WDPCP: variants seen among roughly 807,000 people sequenced by gnomAD.
The protein encoded by WDPCP is WD repeat-containing and planar cell polarity effector protein fritz homolog.
In WDPCP, 71 loss-of-function variants were observed where a neutral mutation model predicts 93.1. That is an observed-to-expected ratio of 0.76 (90% confidence interval 0.63 to 0.93). WDPCP has a LOEUF of 0.93. Among genes scored for constraint, WDPCP ranks in the 40% least tolerant of loss-of-function variants. WDPCP has a pLI of 0.00. For missense variants in WDPCP, 844 were observed against 887.4 expected (o/e 0.95, Z 0.62); for synonymous variants, 315 against 315.0 (o/e 1.00, Z 0.00).
At chr2:63,325,801 C>T (rs1281184454) in intron 12 of WDPCP, among the ~76,000 whole-genome samples, 2 of 152,292 alleles carry the variant, frequency 1.3e-5, no homozygotes, top group Admixed American at 6.5e-5. Context: ...AGAAAATCAA[C>T]CCTGAAGTCT....
At chr2:63,713,076 A>C (rs1219117251) in intron 2 of WDPCP, among the ~76,000 whole-genome samples, 2 of 152,202 alleles carry the variant, frequency 1.3e-5, no homozygotes, top group African/African-American at 4.8e-5. Context: ...GAATTACAAC[A>C]TGGCAGGATC....
intron 12 of WDPCP, among the ~76,000 whole-genome samples, chr2:63,317,006 A>G (rs1321714869): frequency 6.6e-6 from 1 of 152,222 alleles, no homozygotes; most frequent in African/African-American, 2.4e-5. Flanking sequence ...AAAGATCTCT[A>G]CAATGAGAAT....
At chr2:63,139,198 C>CACACCAGTT (rs1670878826) in intron 17 of WDPCP, among the ~76,000 whole-genome samples, 1 of 151,954 alleles carries the variant, frequency 6.6e-6, no homozygotes, top group South Asian at 2.1e-4. Context: ...CACACACACA[C>CACACCAGTT]ACCAGTTTCT....
intron 6 of WDPCP, chr2:63,441,797 A>G (rs1401231230): frequency 1.3e-5 from 2 of 152,264 alleles, no homozygotes; most frequent in Admixed American, 6.5e-5. Flanking sequence ...GTTGTAATCA[A>G]TTTAAAGATC....
chr2:63,730,346 G>C (rs999373582), intron 2 of WDPCP, among the ~76,000 whole-genome samples: 7 of 152,104 alleles, frequency 4.6e-5, no homozygotes, highest in Middle Eastern at 3.2e-3. Context: ...TCTCCCTTCG[G>C]TTTCTGGAGG....
intron 1 of WDPCP, among the ~76,000 whole-genome samples, chr2:63,500,452 G>GGTGT (rs71393311): frequency 9.0e-5 from 2 of 22,314 alleles, no homozygotes; most frequent in African/African-American, 3.8e-4. Context: ...AAATGGTGTG[G>GGTGT]GGGTGTGTGT....
chr2:63,668,528 G>A (rs1284399101), intron 2 of WDPCP, among the ~76,000 whole-genome samples: 7 of 152,152 alleles, frequency 4.6e-5, no homozygotes, highest in African/African-American at 1.4e-4. Context: ...TAGTAAAACA[G>A]GGTACTGACC....
intron 2 of WDPCP, among the ~76,000 whole-genome samples, chr2:63,787,135 T>C (rs1254287897): frequency 1.3e-5 from 2 of 152,114 alleles, no homozygotes; most frequent in African/African-American, 2.4e-5. Context: ...AAACACAGAA[T>C]AGCTAAATTT....
chr2:63,276,873 A>G (rs1002448693), intron 13 of WDPCP, among the ~76,000 whole-genome samples: 1 of 152,190 alleles, frequency 6.6e-6, no homozygotes, highest in African/African-American at 2.4e-5. Flanking sequence ...AAGAAGCTCA[A>G]AGAACACCTG....
chr2:63,605,426 A>G (rs1266157893), intron 3 of WDPCP: 1 of 1,457,850 alleles, frequency 6.9e-7, no homozygotes. Context: ...AGGTCACTCT[A>G]TTTTATTTTT....
chr2:63,803,076 T>C (rs1312073496), intron 2 of WDPCP, among the ~76,000 whole-genome samples: 2 of 152,224 alleles, frequency 1.3e-5, no homozygotes, highest in African/African-American at 4.8e-5. Context: ...AGACACCTCA[T>C]ATAGGTGATC....
At chr2:63,524,514 A>G (rs776602922) in intron 1 of WDPCP, among the ~76,000 whole-genome samples, 2 of 152,236 alleles carry the variant, frequency 1.3e-5, no homozygotes, top group Non-Finnish European at 2.9e-5. Context: ...AGGACTCCCT[A>G]TTGAATAAAT....
chr2:63,375,702 T>C (rs1447779731), intron 12 of WDPCP, among the ~76,000 whole-genome samples: 1 of 152,002 alleles, frequency 6.6e-6, no homozygotes, highest in Non-Finnish European at 1.5e-5. Flanking sequence ...TAAAATTGTA[T>C]ATAAAACATT....
chr2:63,160,789 C>T (rs1322010912), intron 15 of WDPCP, among the ~76,000 whole-genome samples: 1 of 152,106 alleles, frequency 6.6e-6, no homozygotes, highest in Non-Finnish European at 1.5e-5. Context: ...TAAAAAACAT[C>T]AGGTGAAAGG....
intron 1 of WDPCP, among the ~76,000 whole-genome samples, chr2:63,823,292 G>A (rs1671052432): frequency 6.6e-6 from 1 of 151,596 alleles, no homozygotes; most frequent in Admixed American, 6.6e-5. Context: ...CAGATCATGA[G>A]ATCAGGAGTT....
chr2:63,529,541 A>C (rs937300680), intron 1 of WDPCP, among the ~76,000 whole-genome samples: 1 of 152,240 alleles, frequency 6.6e-6, no homozygotes, highest in African/African-American at 2.4e-5. Context: ...ATGTTGAACC[A>C]GGCTTGCATC....
At chr2:63,470,245 C>T (rs1699614380) in intron 6 of WDPCP, among the ~76,000 whole-genome samples, 1 of 152,238 alleles carries the variant, frequency 6.6e-6, no homozygotes, top group African/African-American at 2.4e-5. Context: ...GTTGCTGCCA[C>T]TCAAATTTAT....
At chr2:63,331,426 T>G (rs1259129972) in intron 12 of WDPCP, among the ~76,000 whole-genome samples, 1 of 152,220 alleles carries the variant, frequency 6.6e-6, no homozygotes, top group Non-Finnish European at 1.5e-5. Flanking sequence ...TCTGACTGTT[T>G]GGGTTAATTT....
At chr2:63,753,668 A>G (rs562444537) in intron 2 of WDPCP, among the ~76,000 whole-genome samples, 15 of 152,270 alleles carry the variant, frequency 9.9e-5, no homozygotes, top group African/African-American at 2.6e-4. Flanking sequence ...ATATCTTGCA[A>G]TATCTCACTC....
Sources: gnomAD v4.1 joint callset for allele counts (sites outside exome capture counted in the v4.1 genomes callset) on GRCh38, gnomAD v4.1.1 for gene constraint, MANE v1.5 for transcripts, NCBI Gene and HGNC (gene_info 2026-07-23, HGNC 2026-07-21) for gene names.